ANO1: variants seen among roughly 807,000 people sequenced by gnomAD.
ANO1 encodes the protein anoctamin 1.
A neutral mutation model predicts 124.0 loss-of-function variants in ANO1; 59 were observed. The observed-to-expected ratio is 0.48, with a 90% CI of 0.39 to 0.59. The LOEUF (loss-of-function observed/expected upper bound fraction) is 0.59, where lower values mean the gene tolerates loss of function less well. Ranked by LOEUF, ANO1 falls within the 20% of genes least tolerant of loss-of-function variation. The probability of loss-of-function intolerance (pLI) is 0.00; values close to 1 mark genes in which losing one functional copy is unlikely to be tolerated. For missense variants in ANO1, 1,059 were observed against 1,328.0 expected, an observed-to-expected ratio of 0.80 and a Z score of 3.15; for synonymous variants, 529 against 532.0, an observed-to-expected ratio of 0.99 and a Z score of 0.08.
At chr11:70,081,549 A>G (rs150221643) in intron 1 of ANO1, among the ~76,000 whole-genome samples, 124 of 152,368 alleles carry the variant, frequency 8.1e-4, no homozygotes, top group African/African-American at 2.6e-3. Flanking sequence ...AAGAAATTTT[A>G]CAGGCCACTG....
At chr11:70,078,959 G>T (rs1590670332) in intron 1 of ANO1, among the ~76,000 whole-genome samples, 1 of 151,922 alleles carries the variant, frequency 6.6e-6, no homozygotes, top group African/African-American at 2.4e-5. Context: ...CCAGCGCAGC[G>T]CCGGGCCCCC....
At chr11:69,990,218 A>G (rs1294864869) in intron 1 of ANO1, among the ~76,000 whole-genome samples, 1 of 151,962 alleles carries the variant, frequency 6.6e-6, no homozygotes, top group Admixed American at 6.5e-5. Context: ...AAATTTGTCT[A>G]TTCTAGATAC....
intron 8 of ANO1, among the ~76,000 whole-genome samples, chr11:70,120,274 A>T (rs1381848824): frequency 6.6e-6 from 1 of 152,066 alleles, no homozygotes; most frequent in Non-Finnish European, 1.5e-5. Flanking sequence ...GGCCACAAAC[A>T]TGTAGGAGTA....
Position 70,187,636 on chromosome 11 carries a change from G to A in ANO1, c.2695-102G>A, listed in dbSNP as rs1590956185. 3.6e-6 allele frequency: 5 copies of A among 1,392,664 alleles called. No homozygotes were observed. In the East Asian group the frequency reaches 1.0e-4, roughly 28 times the overall value. The allele number at this position is 1,392,664 out of a possible 1,614,324, so 86.3% of individuals were successfully genotyped here. On this transcript the variant is annotated intron_variant, in intron 25 of 25. Transcript: ENST00000355303. Reference sequence around the variant, plus strand: ...CCCAGGGAGGTCAATGGGCCAGGAGGTGGTGGGGTGGCACTCCACCAGATG... The same window carrying A: ...CCCAGGGAGGTCAATGGGCCAGGAGATGGTGGGGTGGCACTCCACCAGATG...
intron 1 of ANO1, among the ~76,000 whole-genome samples, chr11:70,087,310 G>T (rs898682561): frequency 1.3e-5 from 2 of 152,172 alleles, no homozygotes; most frequent in Non-Finnish European, 2.9e-5. Context: ...ATTTGTCCAT[G>T]TACAATTAAA....
At chr11:70,175,759 C>T (rs1322519637) in intron 22 of ANO1, among the ~76,000 whole-genome samples, 1 of 152,144 alleles carries the variant, frequency 6.6e-6, no homozygotes, top group Non-Finnish European at 1.5e-5. Context: ...TTAGCATCCC[C>T]TAGAGTGGGA....
the ANO1 span, among the ~76,000 whole-genome samples, chr11:69,972,116 G>A: frequency 6.6e-6 from 1 of 150,416 alleles, no homozygotes; most frequent in African/African-American, 2.4e-5. Flanking sequence ...GAACCCAGGA[G>A]GCAGAGGTTG....
At chr11:69,991,298 C>T (rs1554997451) in intron 1 of ANO1, among the ~76,000 whole-genome samples, 1 of 152,184 alleles carries the variant, frequency 6.6e-6, no homozygotes, top group Non-Finnish European at 1.5e-5. Flanking sequence ...TCCTGCACAC[C>T]AGCTGTCATT....
chr11:70,060,375 C>T (rs1007309401), intron 1 of ANO1, among the ~76,000 whole-genome samples: 1 of 152,098 alleles, frequency 6.6e-6, no homozygotes. Flanking sequence ...GAAGAACTGC[C>T]ATCGATAAAC....
the ANO1 span, among the ~76,000 whole-genome samples, chr11:69,976,153 C>A: frequency 6.6e-6 from 1 of 152,164 alleles, no homozygotes; most frequent in Non-Finnish European, 1.5e-5. Context: ...AAAGGCCTAA[C>A]CTCCAGGACC....
intron 22 of ANO1, among the ~76,000 whole-genome samples, chr11:70,179,183 A>G (rs113578485): frequency 1.7e-4 from 26 of 152,308 alleles, no homozygotes; most frequent in African/African-American, 5.8e-4. Flanking sequence ...GTTATCACCC[A>G]TCTCAGAGCT....
intron 11 of ANO1, among the ~76,000 whole-genome samples, chr11:70,132,860 C>T (rs926718900): frequency 3.9e-5 from 6 of 152,254 alleles, no homozygotes; most frequent in African/African-American, 7.2e-5. Context: ...CCTGGCCCCA[C>T]GCCGGGCACT....
Position 70,161,156 on chromosome 11 carries a change from T to G in ANO1, c.1579-5T>G, listed in dbSNP as rs780823325. The G allele has an allele frequency of 1.2e-6, 2 of 1,612,846 alleles. No homozygotes were observed. The highest frequency in any genetic ancestry group is 1.7e-6 in the Non-Finnish European group (2 of 1,179,594). On this transcript the variant is annotated splice_region_variant and splice_polypyrimidine_tract_variant and intron_variant, in intron 16 of 25. Transcript: ENST00000355303. ...CAACCAAGAGTGCCCCTTTCCCCCC[T>G]GCAGATTGCAGTGACGTTTGCCATC... is the stretch of plus-strand genomic sequence containing the variant.
intron 22 of ANO1, among the ~76,000 whole-genome samples, chr11:70,178,916 T>C (rs2048833077): frequency 6.6e-6 from 1 of 152,244 alleles, no homozygotes; most frequent in Admixed American, 6.5e-5. Context: ...TATCATTGAA[T>C]TGACACTGGC....
At chr11:70,132,399 G>A (rs996981413) in intron 11 of ANO1, among the ~76,000 whole-genome samples, 9 of 152,180 alleles carry the variant, frequency 5.9e-5, no homozygotes, top group East Asian at 1.9e-4. Flanking sequence ...AGGGAGGCCC[G>A]AGGGTCCTGC....
chr11:70,081,740 C>T (rs1293962054), intron 1 of ANO1, among the ~76,000 whole-genome samples: 1 of 152,236 alleles, frequency 6.6e-6, no homozygotes, highest in African/African-American at 2.4e-5. Context: ...TGCTTTCCCC[C>T]TTCTGCCCTT....
intron 1 of ANO1, among the ~76,000 whole-genome samples, chr11:70,033,966 A>G (rs1199691447): frequency 2.0e-5 from 3 of 151,194 alleles, no homozygotes; most frequent in African/African-American, 4.9e-5. Flanking sequence ...CAAATGGCCT[A>G]TGGATGGGAG....
chr11:70,084,219 T>G (rs1275087255), intron 1 of ANO1, among the ~76,000 whole-genome samples: 1 of 152,108 alleles, frequency 6.6e-6, no homozygotes, highest in Non-Finnish European at 1.5e-5. Context: ...GCACATTCCC[T>G]GCACATGGGC....
At chr11:70,058,218 C>T (rs1857485789) in intron 1 of ANO1, among the ~76,000 whole-genome samples, 1 of 152,010 alleles carries the variant, frequency 6.6e-6, no homozygotes, top group South Asian at 2.1e-4. Flanking sequence ...TTGGGAGGAC[C>T]CAGGACATCC....
Sources: gnomAD v4.1 joint callset for allele counts (sites outside exome capture counted in the v4.1 genomes callset) on GRCh38, gnomAD v4.1.1 for gene constraint, MANE v1.5 for transcripts, NCBI Gene and HGNC (gene_info 2026-07-23, HGNC 2026-07-21) for gene names.